The following OSTF1 variants were observed in gnomAD, a reference collection of about 807,000 sequenced individuals.
The protein encoded by OSTF1 is osteoclast-stimulating factor 1.
A neutral mutation model predicts 37.2 loss-of-function variants in OSTF1; 27 were observed. The observed-to-expected ratio is 0.73, with a 90% CI of 0.54 to 1.00. The LOEUF (loss-of-function observed/expected upper bound fraction) is 1.00. Ranked by LOEUF, OSTF1 falls within the 50% of genes least tolerant of loss-of-function variation. The pLI is 0.00. For synonymous variants in OSTF1, 82 were observed against 89.2 expected (o/e 0.92, Z 0.46); for missense variants, 232 against 253.8 (o/e 0.91, Z 0.58).
chr9:75,096,568 T>A (rs1421791231), intron 1 of OSTF1, among the ~76,000 whole-genome samples: 2 of 152,198 alleles, frequency 1.3e-5, no homozygotes, highest in East Asian at 3.9e-4. Context: ...CTCCCTGGCA[T>A]CCCTACACTC....
Position 75,088,722 on chromosome 9 carries a change from AC to A in OSTF1, c.32del (p.Pro11GlnfsTer34). On this transcript the variant is annotated frameshift_variant, in exon 1 of 10. Transcript: ENST00000346234. LOFTEE classifies it high-confidence loss of function. MSKPPPKPVK[P>X]GQVKVFRALY... Reference sequence around the variant, plus strand: ...CGAAGCCGCCACCCAAACCAGTCAAACCAGGTGAGGGAGGTAAGGTAGGCGC... The same window carrying A: ...CGAAGCCGCCACCCAAACCAGTCAAACAGGTGAGGGAGGTAAGGTAGGCGC... 6.2e-7 allele frequency: 1 copy of A among 1,608,768 alleles called. No homozygotes were observed. Among genetic ancestry groups the A allele is most frequent in the East Asian group, 2.2e-5 (1 of 44,524 alleles).
chr9:75,130,511 A>G, intron 3 of OSTF1, 67 bp from the exon 4 acceptor site: 1 of 1,074,348 alleles, frequency 9.3e-7, no homozygotes, highest in South Asian at 1.3e-5. Context: ...TAGGAGCTAG[A>G]TAATTTGAAA....
chr9:75,092,746 C>T (rs1824998097), intron 1 of OSTF1, among the ~76,000 whole-genome samples: 1 of 152,102 alleles, frequency 6.6e-6, no homozygotes, highest in African/African-American at 2.4e-5. Flanking sequence ...AAAACAATTA[C>T]CCTCAGAACA....
intron 1 of OSTF1, among the ~76,000 whole-genome samples, chr9:75,101,680 T>G (rs910683218): frequency 3.9e-5 from 6 of 152,228 alleles, no homozygotes; most frequent in African/African-American, 1.4e-4. Context: ...AAAGTTTGTA[T>G]TATTTTACCA....
At chr9:75,098,053 T>G (rs1267787116) in intron 1 of OSTF1, among the ~76,000 whole-genome samples, 1 of 152,180 alleles carries the variant, frequency 6.6e-6, no homozygotes. Context: ...AGACACAGTT[T>G]TACCTTGTTG....
intron 1 of OSTF1, among the ~76,000 whole-genome samples, chr9:75,093,598 AG>A (rs1825020552): frequency 2.0e-5 from 3 of 152,244 alleles, no homozygotes; most frequent in Admixed American, 2.0e-4. Flanking sequence ...ACTTTGAAGA[AG>A]CAAATGTCAG....
In OSTF1 at chr9:75,134,392, G is replaced by A. The variant is rs1463134704; in HGVS notation, c.405G>A (p.Gln135=). The A allele has an allele frequency of 1.3e-6, 2 of 1,543,368 alleles. No homozygotes were observed. Among genetic ancestry groups the A allele is most frequent in the South Asian group, 1.1e-5 (1 of 87,648 alleles). ...LFTQPNIELN[Q]QNKLGDTALH... ...CTCAACCAAATATTGAACTGAACCA[G>A]CAGGTAAGACTGCTTATTTGAAAAT... is the stretch of plus-strand genomic sequence containing the variant. The change falls in exon 7 of 10, where the codon CAG becomes CAA. Residue 135 remains glutamine (Q), a synonymous_variant. Coordinates refer to ENST00000346234, the MANE Select transcript of OSTF1 (RefSeq NM_012383.5).
At chr9:75,118,640 A>G (rs534204491) in intron 2 of OSTF1, among the ~76,000 whole-genome samples, 3 of 152,304 alleles carry the variant, frequency 2.0e-5, no homozygotes, top group African/African-American at 7.2e-5. Flanking sequence ...TGGGTAATGT[A>G]TAGAGAAAAA....
intron 3 of OSTF1, 26 bp downstream of exon 3, chr9:75,127,645 AC>A: frequency 7.8e-7 from 1 of 1,285,212 alleles, no homozygotes; most frequent in Non-Finnish European, 1.1e-6. Flanking sequence ...ATCTTGTAAT[AC>A]CACATATAAA....
chr9:75,139,276 C>T (rs1262668217), intron 8 of OSTF1, among the ~76,000 whole-genome samples: 11 of 151,718 alleles, frequency 7.3e-5, no homozygotes, highest in Admixed American at 5.3e-4. Flanking sequence ...ACAAGCGATC[C>T]GCCTGCCTCA....
At chr9:75,137,698 G>A (rs1320154406) in intron 8 of OSTF1, 82 bp downstream of exon 8, 10 of 854,666 alleles carry the variant, frequency 1.2e-5, no homozygotes, top group Non-Finnish European at 1.8e-5. Flanking sequence ...GAAATGGTAG[G>A]AAGAATAATA....
In OSTF1 at chr9:75,130,524, T is replaced by A. The variant is rs1056480407; in HGVS notation, c.133-54T>A. The A allele has an allele frequency of 2.5e-6, 3 of 1,184,512 alleles. No individual in the cohort carries two copies. In the African/African-American group the frequency reaches 4.5e-5, roughly 18 times the overall value. 73.4% of individuals were successfully genotyped at this position (1,184,512 alleles called of 1,614,324 possible). A position where few individuals can be genotyped will look rare whatever the true frequency, so the allele number is the denominator to read the frequency against. Reference sequence around the variant, plus strand: ...CCTAGGAGCTAGATAATTTGAAAAGTGAATGAATGCAGTCTGGATTTCATA... The same window carrying A: ...CCTAGGAGCTAGATAATTTGAAAAGAGAATGAATGCAGTCTGGATTTCATA... On this transcript the variant is annotated intron_variant, in intron 3 of 9. Transcript: ENST00000346234.
At chr9:75,116,700 G>A (rs1421817424) in intron 1 of OSTF1, among the ~76,000 whole-genome samples, 1 of 148,608 alleles carries the variant, frequency 6.7e-6, no homozygotes, top group African/African-American at 2.5e-5. Context: ...AACCAGTGTA[G>A]ATTATCACAT....
intron 3 of OSTF1, 90 bp downstream of exon 3, chr9:75,127,709 A>ATGTATTTCTAT: frequency 1.4e-6 from 1 of 710,466 alleles, no homozygotes; most frequent in Non-Finnish European, 2.4e-6. Flanking sequence ...ATATGTACAT[A>ATGTATTTCTAT]GAAATACATA....
chr9:75,113,136 G>A (rs1317379306), intron 1 of OSTF1, among the ~76,000 whole-genome samples: 1 of 152,038 alleles, frequency 6.6e-6, no homozygotes, highest in East Asian at 1.9e-4. Flanking sequence ...AGTGTTTTCT[G>A]GTAACAGGGA....
At chr9:75,105,366 CAGCT>C (rs1825266304) in intron 1 of OSTF1, among the ~76,000 whole-genome samples, 1 of 152,202 alleles carries the variant, frequency 6.6e-6, no homozygotes, top group African/African-American at 2.4e-5. Context: ...TGCTCTTTTG[CAGCT>C]ACTCAACTCT....
intron 1 of OSTF1, among the ~76,000 whole-genome samples, chr9:75,102,353 T>C (rs978489696): frequency 5.9e-4 from 90 of 152,344 alleles, no homozygotes; most frequent in African/African-American, 2.1e-3. Flanking sequence ...GCTGGTGTTT[T>C]TTCACTCTGT....
At chr9:75,127,718 T>G in intron 3 of OSTF1, 99 bp downstream of exon 3, 2 of 673,234 alleles carry the variant, frequency 3.0e-6, no homozygotes, top group Non-Finnish European at 5.1e-6. Context: ...TAGAAATACA[T>G]ATGTACAAGT....
intron 8 of OSTF1, among the ~76,000 whole-genome samples, chr9:75,139,156 C>T (rs1032374542): frequency 1.3e-5 from 2 of 151,272 alleles, no homozygotes; most frequent in East Asian, 1.9e-4. Flanking sequence ...GATTCTCCCA[C>T]CTCAGCCTCC....
Sources: gnomAD v4.1 joint callset for allele counts (sites outside exome capture counted in the v4.1 genomes callset) on GRCh38, gnomAD v4.1.1 for gene constraint, MANE v1.5 for transcripts, NCBI Gene and HGNC (gene_info 2026-07-23, HGNC 2026-07-21) for gene names.